CTNNA3: variants seen among roughly 807,000 people sequenced by gnomAD.
The protein encoded by CTNNA3 is catenin alpha 3.
Under a neutral mutation model 95.7 loss-of-function variants are expected in CTNNA3, and 76 were observed. The observed-to-expected ratio is 0.79, with a 90% CI of 0.66 to 0.96. The LOEUF (loss-of-function observed/expected upper bound fraction) is 0.96. Ranked by LOEUF, CTNNA3 falls within the 40% of genes least tolerant of loss-of-function variation. The pLI is 0.00. For synonymous variants in CTNNA3, 431 were observed against 374.4 expected (o/e 1.15, Z -1.74); for missense variants, 1,191 against 1,089.8 (o/e 1.09, Z -1.31).
At chr10:66,703,318 C>A (rs1848014718) in intron 9 of CTNNA3, among the ~76,000 whole-genome samples, 1 of 152,194 alleles carries the variant, frequency 6.6e-6, no homozygotes, top group African/African-American at 2.4e-5. Flanking sequence ...CCTCTCTTCA[C>A]TGGTGCTGGC....
intron 13 of CTNNA3, among the ~76,000 whole-genome samples, chr10:66,250,886 T>C (rs1022533200): frequency 6.6e-6 from 1 of 152,226 alleles, no homozygotes; most frequent in Non-Finnish European, 1.5e-5. Context: ...GTGGCCATTT[T>C]CTAGAGGGTA....
At chr10:66,875,417 AAAGT>A (rs1223446550) in intron 7 of CTNNA3, among the ~76,000 whole-genome samples, 1 of 151,484 alleles carries the variant, frequency 6.6e-6, no homozygotes, top group East Asian at 1.9e-4. Flanking sequence ...AAAATAGAAG[AAAGT>A]AAATAGCAGA....
At chr10:66,517,439 A>T (rs1238130226) in intron 11 of CTNNA3, among the ~76,000 whole-genome samples, 2 of 152,084 alleles carry the variant, frequency 1.3e-5, no homozygotes, top group Non-Finnish European at 2.9e-5. Flanking sequence ...GCAGTAAAGA[A>T]GCCGGCTAAA....
At chr10:66,804,907 A>G (rs772953985) in intron 7 of CTNNA3, among the ~76,000 whole-genome samples, 1 of 152,090 alleles carries the variant, frequency 6.6e-6, no homozygotes, top group Admixed American at 6.6e-5. Flanking sequence ...CTATATTGAT[A>G]CAAAATTTTC....
chr10:66,444,127 A>T (rs1290127583), intron 11 of CTNNA3, among the ~76,000 whole-genome samples: 2 of 152,298 alleles, frequency 1.3e-5, no homozygotes, highest in East Asian at 3.9e-4. Flanking sequence ...TTAGAGAAAA[A>T]AGAATAAGAA....
intron 6 of CTNNA3, among the ~76,000 whole-genome samples, chr10:67,208,668 G>T (rs186570120): frequency 6.6e-6 from 1 of 152,114 alleles, no homozygotes; most frequent in Admixed American, 6.5e-5. Context: ...CTAGAAAAGC[G>T]TCTGGAAAAT....
chr10:66,563,893 G>A (rs769698442), intron 10 of CTNNA3, among the ~76,000 whole-genome samples: 33 of 152,016 alleles, frequency 2.2e-4, no homozygotes, highest in Non-Finnish European at 5.9e-5. Flanking sequence ...CCTATGACAT[G>A]GAAGCCACCT....
intron 12 of CTNNA3, among the ~76,000 whole-genome samples, chr10:66,341,791 G>A (rs1039322112): frequency 1.3e-5 from 2 of 151,878 alleles, no homozygotes; most frequent in Non-Finnish European, 2.9e-5. Context: ...TGGCCGCTGA[G>A]TCTGTGTGCT....
At chr10:66,936,487 GT>G (rs1847700701) in intron 7 of CTNNA3, among the ~76,000 whole-genome samples, 1 of 151,874 alleles carries the variant, frequency 6.6e-6, no homozygotes, top group Non-Finnish European at 1.5e-5. Flanking sequence ...TTTTTTGGTT[GT>G]TCTGTTTTGT....
intron 11 of CTNNA3, among the ~76,000 whole-genome samples, chr10:66,436,765 G>A (rs1435311957): frequency 6.6e-6 from 1 of 151,968 alleles, no homozygotes; most frequent in Non-Finnish European, 1.5e-5. Context: ...ATTAATTGAT[G>A]CAGCTTCTTC....
At chr10:67,312,364 C>A (rs776375874) in intron 5 of CTNNA3, among the ~76,000 whole-genome samples, 3 of 152,134 alleles carry the variant, frequency 2.0e-5, no homozygotes, top group Non-Finnish European at 2.9e-5. Context: ...AGCCACTGCA[C>A]CTGGCCTTAA....
intron 7 of CTNNA3, among the ~76,000 whole-genome samples, chr10:66,968,938 A>C (rs544293819): frequency 6.6e-6 from 1 of 151,978 alleles, no homozygotes; most frequent in Non-Finnish European, 1.5e-5. Context: ...AATTGCTTGA[A>C]CCCAGGAAGC....
intron 7 of CTNNA3, among the ~76,000 whole-genome samples, chr10:67,145,151 T>C (rs1860780035): frequency 2.0e-5 from 3 of 152,176 alleles, no homozygotes. Flanking sequence ...CCCATGGGCA[T>C]GTTCCATGGT....
chr10:66,234,985 G>A (rs1322789614), intron 13 of CTNNA3, among the ~76,000 whole-genome samples: 1 of 152,192 alleles, frequency 6.6e-6, no homozygotes, highest in Non-Finnish European at 1.5e-5. Context: ...AGTAGTCTCT[G>A]TCCAACAATC....
At chr10:66,066,790 A>G (rs1449650161) in intron 15 of CTNNA3, among the ~76,000 whole-genome samples, 1 of 152,210 alleles carries the variant, frequency 6.6e-6, no homozygotes, top group African/African-American at 2.4e-5. Context: ...TTGGTATAAA[A>G]CAAAACAAAG....
In CTNNA3 at chr10:65,914,991, G is replaced by A. The variant is rs558266057; in HGVS notation, c.*5339C>T. 1 of 152,170 alleles carries A rather than the reference G, an allele frequency of 6.6e-6. No homozygotes were observed. Among genetic ancestry groups the A allele is most frequent in the African/African-American group, 2.4e-5 (1 of 41,520 alleles). 9.4% of individuals were successfully genotyped at this position (152,170 alleles called of 1,614,324 possible). On this transcript the variant is annotated 3_prime_UTR_variant, in exon 18 of 18. Coordinates refer to ENST00000433211, the MANE Select transcript of CTNNA3 (RefSeq NM_013266.4). ...TCTGTGGAATGATATATATCCTATAGGGTTATTTGGAGGATTGAATAAGAT... is the reference window on the plus strand; with the variant it reads ...TCTGTGGAATGATATATATCCTATAAGGTTATTTGGAGGATTGAATAAGAT...
At chr10:66,538,964 A>G (rs1277112036) in intron 10 of CTNNA3, among the ~76,000 whole-genome samples, 1 of 152,126 alleles carries the variant, frequency 6.6e-6, no homozygotes. Context: ...ATTACCATCT[A>G]TCTTACCTAA....
chr10:67,118,559 T>C (rs1859303761), intron 7 of CTNNA3, among the ~76,000 whole-genome samples: 2 of 151,972 alleles, frequency 1.3e-5, no homozygotes, highest in South Asian at 4.1e-4. Context: ...ATGAACTCTA[T>C]TATATCCTCC....
At chr10:66,537,220 T>C (rs2132066573) in intron 10 of CTNNA3, among the ~76,000 whole-genome samples, 1 of 152,286 alleles carries the variant, frequency 6.6e-6, no homozygotes, top group Middle Eastern at 3.4e-3. Context: ...AATCAGCTCC[T>C]GCACAAAAAC....
Sources: allele counts gnomAD v4.1 joint callset (sites outside exome capture counted in the v4.1 genomes callset), GRCh38; gene constraint gnomAD v4.1.1; transcripts MANE v1.5; gene names NCBI Gene and HGNC (gene_info 2026-07-23, HGNC 2026-07-21).